KDM1A: variants seen among roughly 807,000 people sequenced by gnomAD.
The protein encoded by KDM1A is lysine-specific histone demethylase 1A.
Under a neutral mutation model 109.4 loss-of-function variants are expected in KDM1A, and 49 were observed. That is an observed-to-expected ratio of 0.45 (90% CI 0.36 to 0.57). The LOEUF is 0.57. Among genes scored for constraint, KDM1A ranks in the 20% least tolerant of loss-of-function variants. KDM1A has a pLI of 0.00. For synonymous variants in KDM1A, 380 were observed against 415.4 expected (o/e 0.91, Z 1.04); for missense variants, 668 against 1,116.6 (o/e 0.60, Z 5.73).
intron 8 of KDM1A, among the ~76,000 whole-genome samples, chr1:23,058,407 A>T (rs556519056): frequency 1.3e-5 from 2 of 152,212 alleles, no homozygotes; most frequent in African/African-American, 4.8e-5. Context: ...AGCTTATAGG[A>T]CAAGTACAAA....
intron 1 of KDM1A, among the ~76,000 whole-genome samples, chr1:23,023,647 T>C (rs1641708616): frequency 6.6e-6 from 1 of 152,232 alleles, no homozygotes; most frequent in Non-Finnish European, 1.5e-5. Flanking sequence ...TTTGTTCTTC[T>C]TTTGCAAGAT....
At chr1:23,065,975 A>C (rs1643149486) in intron 9 of KDM1A, 85 bp from the exon 10 acceptor site, 27 of 1,570,210 alleles carry the variant, frequency 1.7e-5, no homozygotes, top group Non-Finnish European at 2.3e-5. Flanking sequence ...CCTTGATTTT[A>C]TTGCTGTCAT....
intron 2 of KDM1A, among the ~76,000 whole-genome samples, chr1:23,041,582 ACAGGTGCATACCATAGCG>A (rs1451320362): frequency 1.3e-5 from 2 of 150,708 alleles, no homozygotes; most frequent in African/African-American, 4.9e-5. Context: ...AGCTGGGATT[ACAGGTGCATACCATAGCG>A]CCTGGCTAAT....
rs765510771 is a variant in KDM1A, at chr1:23,077,305, A to G, written c.1812A>G (p.Glu604=). The part of the protein sequence containing the change: ...GYSCVPVALA[E]GLDIKLNTAV... The stretch of plus-strand genomic sequence containing the variant: ...CGTGTGTGCCTGTGGCTTTAGCAGA[A>G]GGCCTAGACATTAAACTGAATACAG... The change falls in exon 16 of 21, where the codon GAA becomes GAG. Residue 604 remains glutamate, a synonymous_variant. Transcript: ENST00000400181. The G allele has an allele frequency of 6.2e-7, 1 of 1,614,192 alleles. No individual in the cohort carries two copies. Among genetic ancestry groups the G allele is most frequent in the Admixed American group, 1.7e-5 (1 of 60,036 alleles).
intron 14 of KDM1A, 85 bp downstream of exon 14, chr1:23,072,282 T>C: frequency 2.1e-6 from 2 of 953,650 alleles, no homozygotes; most frequent in Non-Finnish European, 3.3e-6. Flanking sequence ...TAAATCATAA[T>C]GAGCTTTTAT....
At chr1:23,075,300 T>C (rs929201542) in intron 15 of KDM1A, among the ~76,000 whole-genome samples, 1 of 152,210 alleles carries the variant, frequency 6.6e-6, no homozygotes, top group Non-Finnish European at 1.5e-5. Context: ...TAAGACTGTA[T>C]AGGCTGGGTA....
At chr1:23,037,321 A>T (rs1008491992) in intron 2 of KDM1A, among the ~76,000 whole-genome samples, 55 of 151,760 alleles carry the variant, frequency 3.6e-4, no homozygotes, top group Admixed American at 9.8e-4. Flanking sequence ...AAAAAAAAAA[A>T]AGTGCAATTC....
intron 3 of KDM1A, 58 bp downstream of exon 3, chr1:23,044,544 A>G (rs1198892785): frequency 1.4e-6 from 2 of 1,456,972 alleles, no homozygotes; most frequent in African/African-American, 1.4e-5. Context: ...GTAGGAATTG[A>G]TGCTTGCAAG....
chr1:23,051,879 G>C (rs1642680021), intron 4 of KDM1A, among the ~76,000 whole-genome samples: 1 of 152,178 alleles, frequency 6.6e-6, no homozygotes, highest in East Asian at 1.9e-4. Flanking sequence ...AGGTTATCCT[G>C]GGTTTTTGTA....
At chr1:23,063,205 GGTGTGGTGT>G (rs1557569566) in intron 9 of KDM1A, among the ~76,000 whole-genome samples, 71 of 71,362 alleles carry the variant, frequency 9.9e-4, no homozygotes, top group East Asian at 1.6e-3. Flanking sequence ...TTGGGGGGGG[GGTGTGGTGT>G]GGGGTGGGTG....
chr1:23,047,803 A>G (rs1642544634), intron 3 of KDM1A, among the ~76,000 whole-genome samples: 1 of 152,050 alleles, frequency 6.6e-6, no homozygotes, highest in Non-Finnish European at 1.5e-5. Flanking sequence ...AGGCTGAGGC[A>G]GCCCAGCTAC....
intron 1 of KDM1A, among the ~76,000 whole-genome samples, chr1:23,022,222 T>C (rs1470003813): frequency 1.3e-5 from 2 of 152,240 alleles, no homozygotes; most frequent in Non-Finnish European, 2.9e-5. Context: ...TTCTAGGTTT[T>C]ACTTTTGAGG....
intron 16 of KDM1A, among the ~76,000 whole-genome samples, chr1:23,078,042 T>TC (rs1029287407): frequency 1.3e-5 from 2 of 152,160 alleles, no homozygotes; most frequent in Non-Finnish European, 2.9e-5. Flanking sequence ...TAACTAGTCA[T>TC]CTCCCTCTCT....
chr1:23,056,389 A>G (rs986670398), intron 7 of KDM1A, among the ~76,000 whole-genome samples: 2 of 152,022 alleles, frequency 1.3e-5, no homozygotes, highest in African/African-American at 4.8e-5. Flanking sequence ...GTTTTTGATA[A>G]AGAAAAAAAG....
At position 23,083,401 on chromosome 1, in the gene KDM1A, GT is replaced by G. The variant is rs766213216; in HGVS notation, c.*40del. 3 of 1,571,524 alleles carry G rather than the reference GT, an allele frequency of 1.9e-6. No individual in the cohort carries two copies. Among genetic ancestry groups the G allele is most frequent in the Non-Finnish European group, 2.6e-6 (3 of 1,153,866 alleles). ...TCTAAGGGAAGAGGCCCATGTGCCT[GT>G]TTCTGCCATGTAAGGAAGGCTCTTC... On this transcript the variant is annotated 3_prime_UTR_variant, in exon 21 of 21. Transcript: ENST00000400181.
At chr1:23,022,856 A>G (rs939798912) in intron 1 of KDM1A, among the ~76,000 whole-genome samples, 8 of 146,894 alleles carry the variant, frequency 5.4e-5, no homozygotes, top group African/African-American at 2.0e-4. Flanking sequence ...ACAGGGTTTC[A>G]CCATGTTGGC....
intron 2 of KDM1A, among the ~76,000 whole-genome samples, chr1:23,034,382 G>A (rs1188363586): frequency 2.6e-5 from 4 of 152,278 alleles, no homozygotes; most frequent in East Asian, 1.9e-4. Flanking sequence ...TACTAGCAGC[G>A]TCACATAATA....
rs1394128800 is a variant in KDM1A at position 23,073,260 on chromosome 1, T to C, written c.1623-32T>C. ...CACTGAGAGAACTAGTGATATCTTT[T>C]AATAATCCTGTAGTCCTTTGTTCTT... On this transcript the variant is annotated intron_variant, in intron 14 of 20. Transcript: ENST00000400181. The C allele has an allele frequency of 4.3e-6, 5 of 1,153,286 alleles. No homozygotes were observed. The Admixed American group carries it at 8.5e-5, about 20-fold the overall frequency. 71.4% of individuals were successfully genotyped at this position (1,153,286 alleles called of 1,614,324 possible). A position where few individuals can be genotyped will look rare whatever the true frequency, so the allele number is the denominator to read the frequency against.
intron 1 of KDM1A, among the ~76,000 whole-genome samples, chr1:23,023,967 A>C (rs1483828290): frequency 6.6e-6 from 1 of 152,088 alleles, no homozygotes; most frequent in Non-Finnish European, 1.5e-5. Context: ...CTCTTATCTC[A>C]GCCTCCTGAG....
Sources: gnomAD v4.1 joint callset for allele counts (sites outside exome capture counted in the v4.1 genomes callset) on GRCh38, gnomAD v4.1.1 for gene constraint, MANE v1.5 for transcripts, NCBI Gene and HGNC (gene_info 2026-07-23, HGNC 2026-07-21) for gene names.